TCF4: variants seen among roughly 807,000 people sequenced by gnomAD.
TCF4 encodes SL3-3 enhancer factor 2.
A neutral mutation model predicts 82.1 loss-of-function variants in TCF4; 3 were observed. The observed-to-expected ratio is 0.04, with a 90% confidence interval of 0.02 to 0.09. The LOEUF (loss-of-function observed/expected upper bound fraction) is 0.09, where lower values mean the gene tolerates loss of function less well. TCF4 is among the 10% of genes least tolerant of loss of function. The pLI, the probability that TCF4 is intolerant of heterozygous loss-of-function variation, is 1.00. For synonymous variants in TCF4, 276 were observed against 309.6 expected (o/e 0.89, Z 1.14); for missense variants, 518 against 852.7 (o/e 0.61, Z 4.89).
intron 2 of TCF4, among the ~76,000 whole-genome samples, chr18:55,603,286 C>T (rs767974648): frequency 6.6e-6 from 1 of 152,160 alleles, no homozygotes; most frequent in Non-Finnish European, 1.5e-5. Flanking sequence ...TATTGCCAAA[C>T]GTCCCTCAGT....
chr18:55,302,969 G>GTTT (rs973759645), intron 8 of TCF4, among the ~76,000 whole-genome samples: 2 of 152,150 alleles, frequency 1.3e-5, no homozygotes, highest in Admixed American at 1.3e-4. Context: ...AGAGAGCCCA[G>GTTT]TTGTCAAAAG....
At chr18:55,437,786 C>T (rs2095359893) in intron 5 of TCF4, among the ~76,000 whole-genome samples, 2 of 152,154 alleles carry the variant, frequency 1.3e-5, no homozygotes, top group Non-Finnish European at 1.5e-5. Context: ...CTGCAAAGTG[C>T]AATCTTATTT....
chr18:55,485,811 G>A (rs2096505971), intron 3 of TCF4, among the ~76,000 whole-genome samples: 1 of 152,204 alleles, frequency 6.6e-6, no homozygotes, highest in South Asian at 2.1e-4. Context: ...TTTCAAAGCA[G>A]TCCCTGACTT....
chr18:55,253,586 G>A (rs189230360), intron 15 of TCF4, among the ~76,000 whole-genome samples: 1 of 151,728 alleles, frequency 6.6e-6, no homozygotes, highest in East Asian at 1.9e-4. Flanking sequence ...AAAGTAATGA[G>A]GAAAAAAATC....
intron 4 of TCF4, 55 bp downstream of exon 4, chr18:55,464,021 T>C: frequency 6.6e-7 from 1 of 1,510,696 alleles, no homozygotes; most frequent in Non-Finnish European, 9.2e-7. Flanking sequence ...CTTCTGTTTG[T>C]CAATTTACAT....
Position 55,571,740 on chromosome 18 carries a change from GT to G in TCF4, c.145+13539del, listed in dbSNP as rs75627445. ...GGAATGTGAATGAGAGGTAGAGGGT[GT>G]TTTTTTTTTTGTTATTATATGTTTT... On this transcript the variant is annotated intron_variant, in intron 3 of 19. Transcript: ENST00000354452. 3.1e-3 allele frequency among the ~76,000 whole-genome samples: 449 copies of G among 144,584 alleles called. 4 individuals carry two copies. Among genetic ancestry groups the G allele is most frequent in the African/African-American group, 8.0e-3 (316 of 39,418 alleles). 94.9% of individuals were successfully genotyped at this position (144,584 alleles called of 152,430 possible).
At chr18:55,601,257 C>A (rs1275752326) in intron 2 of TCF4, among the ~76,000 whole-genome samples, 1 of 152,160 alleles carries the variant, frequency 6.6e-6, no homozygotes, top group Non-Finnish European at 1.5e-5. Flanking sequence ...ATATAATCTA[C>A]AGTGGAGTAT....
intron 8 of TCF4, among the ~76,000 whole-genome samples, chr18:55,314,753 G>A (rs2073635523): frequency 6.6e-6 from 1 of 151,676 alleles, no homozygotes; most frequent in Non-Finnish European, 1.5e-5. Context: ...AAAAAAAGGA[G>A]TGTTTCCATA....
intron 3 of TCF4, among the ~76,000 whole-genome samples, chr18:55,480,937 C>T (rs1394919219): frequency 6.6e-6 from 1 of 151,938 alleles, no homozygotes. Flanking sequence ...AACTCTGTCT[C>T]TACTAAAAAT....
At chr18:55,457,342 C>T (rs754804939) in intron 5 of TCF4, among the ~76,000 whole-genome samples, 2 of 152,192 alleles carry the variant, frequency 1.3e-5, no homozygotes, top group East Asian at 1.9e-4. Context: ...ATGATACATA[C>T]ATTGTGTGTA....
intron 3 of TCF4, among the ~76,000 whole-genome samples, chr18:55,485,385 A>G (rs1448654127): frequency 6.6e-6 from 1 of 152,188 alleles, no homozygotes; most frequent in African/African-American, 2.4e-5. Flanking sequence ...AGGTTCTTTA[A>G]CAAGAAATAC....
chr18:55,228,536 C>A (rs1350952307), intron 18 of TCF4, among the ~76,000 whole-genome samples, 175 bp from the exon 19 acceptor site: 1 of 152,164 alleles, frequency 6.6e-6, no homozygotes, highest in Non-Finnish European at 1.5e-5. Context: ...AAAAGGTGAA[C>A]TGCATGTGAG....
At chr18:55,355,589 G>C (rs1037115650) in intron 6 of TCF4, among the ~76,000 whole-genome samples, 5 of 152,104 alleles carry the variant, frequency 3.3e-5, no homozygotes, top group Non-Finnish European at 7.4e-5. Context: ...GTCCACTTTT[G>C]AACTTCAAAG....
chr18:55,332,662 T>C (rs1468108293), intron 8 of TCF4, among the ~76,000 whole-genome samples: 2 of 152,226 alleles, frequency 1.3e-5, no homozygotes, highest in Admixed American at 6.5e-5. Flanking sequence ...ACATTGGCCA[T>C]TGCTGTCCAC....
intron 5 of TCF4, among the ~76,000 whole-genome samples, chr18:55,432,931 T>C (rs553433326): frequency 2.7e-4 from 41 of 152,324 alleles, no homozygotes; most frequent in African/African-American, 9.9e-4. Context: ...GATGACAATA[T>C]TTTCCCTTGA....
At chr18:55,448,280 C>T (rs946720378) in intron 5 of TCF4, among the ~76,000 whole-genome samples, 3 of 152,106 alleles carry the variant, frequency 2.0e-5, no homozygotes, top group Admixed American at 2.0e-4. Context: ...AATATTCCCT[C>T]ACAGTAAGGA....
At chr18:55,339,657 G>A (rs1324669075) in intron 8 of TCF4, among the ~76,000 whole-genome samples, 1 of 152,092 alleles carries the variant, frequency 6.6e-6, no homozygotes, top group African/African-American at 2.4e-5. Context: ...GGAATGTGGA[G>A]ACCACGCTTC....
In TCF4 at chr18:55,226,060, ACAT is replaced by A. The variant is rs757576768; in HGVS notation, c.*1972_*1974del. On this transcript the variant is annotated 3_prime_UTR_variant, in exon 20 of 20. Coordinates refer to ENST00000354452, the MANE Select transcript of TCF4 (RefSeq NM_001083962.2). ...AAAAACTGATACAATGTATTAAAAC[ACAT>A]AATAACAAGAGTCTACATGTAAAAA... 4 of 152,606 alleles carry A rather than the reference ACAT, an allele frequency of 2.6e-5. No individual in the cohort carries two copies. The highest frequency in any genetic ancestry group is 4.4e-5 in the Non-Finnish European group (3 of 68,010). The allele number at this position is 152,606 out of a possible 1,614,324, so 9.5% of individuals were successfully genotyped here. A position where few individuals can be genotyped will look rare whatever the true frequency, so the allele number is the denominator to read the frequency against.
chr18:55,563,904 G>A (rs1323569331), intron 3 of TCF4, among the ~76,000 whole-genome samples: 1 of 152,176 alleles, frequency 6.6e-6, no homozygotes, highest in East Asian at 1.9e-4. Context: ...GACATGTAGT[G>A]GTTTCCAATG....
Sources: allele counts gnomAD v4.1 joint callset (sites outside exome capture counted in the v4.1 genomes callset), GRCh38; gene constraint gnomAD v4.1.1; transcripts MANE v1.5; gene names NCBI Gene and HGNC (gene_info 2026-07-23, HGNC 2026-07-21).